Variants in LRRC18 observed in about 807,000 individuals in gnomAD.
LRRC18 encodes the protein leucine rich repeat containing 18.
A neutral mutation model predicts 11.2 loss-of-function variants in LRRC18; 12 were observed. That is an observed-to-expected ratio of 1.07 (90% CI 0.69 to 1.74). The LOEUF (loss-of-function observed/expected upper bound fraction) is 1.74. Ranked by LOEUF, LRRC18 falls within the 40% of genes most tolerant of loss-of-function variation. The probability of loss-of-function intolerance (pLI) is 0.00; values close to 1 mark genes in which losing one functional copy is unlikely to be tolerated. For synonymous variants in LRRC18, 155 were observed against 130.6 expected, an observed-to-expected ratio of 1.19 and a Z score of -1.27; for missense variants, 374 against 330.5, an observed-to-expected ratio of 1.13 and a Z score of -1.02.
upstream of LRRC18, among the ~76,000 whole-genome samples, chr10:48,914,837 C>T (rs377754925): frequency 9.2e-5 from 14 of 152,314 alleles, no homozygotes; most frequent in East Asian, 9.6e-4. Flanking sequence ...CTGGGCCCAG[C>T]AGCACCATAA....
At chr10:48,910,063 C>A in exon 2 of LRRC18, 1 of 628,176 alleles carries the variant, frequency 1.6e-6, no homozygotes, top group South Asian at 2.0e-5. Context: ...TGGGCTAAAG[C>A]TAAGGGAGGT....
At chr10:48,926,759 G>A in the LRRC18 span, among the ~76,000 whole-genome samples, 1 of 152,286 alleles carries the variant, frequency 6.6e-6, no homozygotes, top group South Asian at 2.1e-4. Context: ...AACTGTAAGA[G>A]CTTGGTAATT....
the LRRC18 span, among the ~76,000 whole-genome samples, chr10:48,930,892 A>G: frequency 6.6e-6 from 1 of 152,200 alleles, no homozygotes; most frequent in South Asian, 2.1e-4. Flanking sequence ...TCTCTGGCAC[A>G]CATGCACCCC....
chr10:48,928,449 C>T, the LRRC18 span, among the ~76,000 whole-genome samples: 5 of 149,844 alleles, frequency 3.3e-5, no homozygotes, highest in South Asian at 4.2e-4. Context: ...ACACAACTGA[C>T]CAAATGGGGA....
chr10:48,923,668 C>T, the LRRC18 span, among the ~76,000 whole-genome samples: 55 of 151,948 alleles, frequency 3.6e-4, no homozygotes, highest in African/African-American at 9.4e-4. Flanking sequence ...TGAGTGCCTA[C>T]CATTTATCAA....
upstream of LRRC18, among the ~76,000 whole-genome samples, chr10:48,917,237 G>A (rs1016969224): frequency 6.6e-6 from 1 of 152,180 alleles, no homozygotes; most frequent in Non-Finnish European, 1.5e-5. Flanking sequence ...TTCACATCAT[G>A]AAGTGACATG....
the LRRC18 span, among the ~76,000 whole-genome samples, chr10:48,939,243 C>T: frequency 2.6e-5 from 4 of 152,220 alleles, no homozygotes; most frequent in South Asian, 8.3e-4. Flanking sequence ...AAAAGAATCT[C>T]CCCTGCTCCT....
chr10:48,935,116 G>A, the LRRC18 span: 1 of 152,276 alleles, frequency 6.6e-6, no homozygotes. Context: ...GATCCAAGCA[G>A]TTGTTTGGCA....
chr10:48,926,161 G>A, the LRRC18 span, among the ~76,000 whole-genome samples: 2 of 152,190 alleles, frequency 1.3e-5, no homozygotes, highest in South Asian at 2.1e-4. Flanking sequence ...TGCCTCCCGG[G>A]AGAGGAAGCC....
exon 2 of LRRC18, chr10:48,910,206 G>A: frequency 7.1e-7 from 1 of 1,398,612 alleles, no homozygotes; most frequent in Non-Finnish European, 1.0e-6. Context: ...TCTGTTAGCT[G>A]AGTAGTCTTC....
chr10:48,912,517 C>A (rs1838098307), intron 1 of LRRC18, among the ~76,000 whole-genome samples: 1 of 152,202 alleles, frequency 6.6e-6, no homozygotes, highest in Non-Finnish European at 1.5e-5. Context: ...CTCCTGAATG[C>A]CTCAGACAGT....
At chr10:48,919,948 A>G in the LRRC18 span, among the ~76,000 whole-genome samples, 1 of 152,232 alleles carries the variant, frequency 6.6e-6, no homozygotes, top group African/African-American at 2.4e-5. Context: ...ACACAAAGAC[A>G]TATAAGAAAG....
chr10:48,933,868 G>T, the LRRC18 span, among the ~76,000 whole-genome samples: 1 of 152,096 alleles, frequency 6.6e-6, no homozygotes, highest in South Asian at 2.1e-4. Flanking sequence ...TAGGAAGGGA[G>T]AAAGGGCCTG....
At chr10:48,917,700 G>T (rs992385038), upstream of LRRC18, among the ~76,000 whole-genome samples, 2 of 152,176 alleles carry the variant, frequency 1.3e-5, no homozygotes, top group African/African-American at 4.8e-5. Flanking sequence ...ATAAGTTTTT[G>T]CCACTAACTA....
At chr10:48,917,743 T>C (rs1331344647), upstream of LRRC18, among the ~76,000 whole-genome samples, 1 of 152,230 alleles carries the variant, frequency 6.6e-6, no homozygotes, top group Non-Finnish European at 1.5e-5. Flanking sequence ...AAGGAAGTTC[T>C]TCAGGTGAAA....
At chr10:48,932,781 G>A in the LRRC18 span, among the ~76,000 whole-genome samples, 2 of 152,164 alleles carry the variant, frequency 1.3e-5, no homozygotes, top group African/African-American at 4.8e-5. Flanking sequence ...CGGTGGGGAC[G>A]TTGCTAACTC....
upstream of LRRC18, among the ~76,000 whole-genome samples, chr10:48,918,996 T>G (rs542139709): frequency 2.6e-5 from 4 of 152,272 alleles, no homozygotes; most frequent in South Asian, 8.3e-4. Flanking sequence ...TATAAAGCAC[T>G]CTACCTAGCA....
At chr10:48,933,113 A>G in the LRRC18 span, among the ~76,000 whole-genome samples, 2 of 152,166 alleles carry the variant, frequency 1.3e-5, no homozygotes, top group Non-Finnish European at 2.9e-5. Flanking sequence ...GGCATGGCAG[A>G]GGAGGGACCA....
At chr10:48,914,310 T>C, upstream of LRRC18, 3 of 790,038 alleles carry the variant, frequency 3.8e-6, no homozygotes, top group Non-Finnish European at 5.8e-6. Context: ...CGCTTTGCTC[T>C]TCAGTGGTTT....
Sources: allele counts gnomAD v4.1 joint callset (sites outside exome capture counted in the v4.1 genomes callset), GRCh38; gene constraint gnomAD v4.1.1; transcripts MANE v1.5; gene names NCBI Gene and HGNC (gene_info 2026-07-23, HGNC 2026-07-21).